PHF20: variants seen among roughly 807,000 people sequenced by gnomAD.
The protein encoded by PHF20 is glioma-expressed antigen 2.
Under a neutral mutation model 113.5 loss-of-function variants are expected in PHF20, and 23 were observed. That is an observed-to-expected ratio of 0.20 (90% confidence interval 0.15 to 0.29). PHF20 has a LOEUF of 0.29. Among genes scored for constraint, PHF20 ranks in the 10% least tolerant of loss-of-function variants. The pLI, the probability that PHF20 is intolerant of heterozygous loss-of-function variation, is 1.00. For synonymous variants in PHF20, 434 were observed against 457.3 expected, an observed-to-expected ratio of 0.95 and a Z score of 0.65; for missense variants, 943 against 1,219.6, an observed-to-expected ratio of 0.77 and a Z score of 3.38.
chr20:35,911,245 T>C (rs1024403814), intron 10 of PHF20, among the ~76,000 whole-genome samples: 35 of 152,232 alleles, frequency 2.3e-4, no homozygotes, highest in Non-Finnish European at 5.9e-5. Context: ...GGTTTTACCA[T>C]GTTAGCCAGG....
At chr20:35,799,533 G>C (rs2041737130) in intron 1 of PHF20, among the ~76,000 whole-genome samples, 1 of 152,046 alleles carries the variant, frequency 6.6e-6, no homozygotes, top group African/African-American at 2.4e-5. Context: ...TCTGCTGTAA[G>C]GAAGTGGCCT....
At chr20:35,944,075 T>A (rs6058375) in intron 17 of PHF20, among the ~76,000 whole-genome samples, 39,382 of 152,102 alleles carry the variant, frequency 0.26, 6,129 homozygotes, top group African/African-American at 0.44. Flanking sequence ...TTGAACAGAA[T>A]TTTTTCCTCT....
At chr20:35,874,438 T>A (rs2054481297) in intron 9 of PHF20, among the ~76,000 whole-genome samples, 1 of 152,216 alleles carries the variant, frequency 6.6e-6, no homozygotes, top group African/African-American at 2.4e-5. Flanking sequence ...TCCTTCAGAT[T>A]TTCTTATAGG....
chr20:35,779,062 GT>G (rs1391239473), intron 1 of PHF20, among the ~76,000 whole-genome samples: 2 of 151,482 alleles, frequency 1.3e-5, no homozygotes, highest in East Asian at 3.9e-4. Flanking sequence ...TTGAGGTGGA[GT>G]CTCACTTCGT....
intron 1 of PHF20, among the ~76,000 whole-genome samples, chr20:35,784,044 C>A (rs62211714): frequency 1.3e-5 from 2 of 151,182 alleles, no homozygotes; most frequent in Non-Finnish European, 2.9e-5. Context: ...CCCGCCCTTA[C>A]GTTTGTTTGT....
chr20:35,939,919 G>C (rs2055944137), intron 16 of PHF20, among the ~76,000 whole-genome samples: 1 of 152,184 alleles, frequency 6.6e-6, no homozygotes, highest in African/African-American at 2.4e-5. Flanking sequence ...CCTTGACTAT[G>C]TCTAAACGGT....
In PHF20 at chr20:35,917,778, G is replaced by A. The variant is rs114493706; in HGVS notation, c.2004+116G>A. 2.5e-3 allele frequency: 2,035 copies of A among 830,156 alleles called. 30 individuals carry two copies. The African/African-American group carries it at 0.031, about 13-fold the overall frequency. 51.4% of individuals were successfully genotyped at this position (830,156 alleles called of 1,614,324 possible). A position where few individuals can be genotyped will look rare whatever the true frequency, so the allele number is the denominator to read the frequency against. On this transcript the variant is annotated intron_variant, in intron 13 of 17. Coordinates refer to ENST00000374012, the MANE Select transcript of PHF20 (RefSeq NM_016436.5). ...AGAGCCCCAGAAACACAGCACGAAC[G>A]GCAGCAGACTGAGCTTCTCTTTTTC...
intron 9 of PHF20, among the ~76,000 whole-genome samples, chr20:35,882,505 G>A (rs1172502114): frequency 1.3e-5 from 2 of 152,184 alleles, no homozygotes; most frequent in African/African-American, 4.8e-5. Context: ...ATAGCTCACT[G>A]CAGCCTCAAC....
chr20:35,772,687 C>T (rs1439535741), intron 1 of PHF20, among the ~76,000 whole-genome samples: 1 of 151,960 alleles, frequency 6.6e-6, no homozygotes, highest in Non-Finnish European at 1.5e-5. Flanking sequence ...TACCCTCTTC[C>T]GTCAGCCCCC....
intron 1 of PHF20, among the ~76,000 whole-genome samples, chr20:35,789,489 AG>A (rs1379617151): frequency 6.6e-6 from 1 of 151,534 alleles, no homozygotes; most frequent in Non-Finnish European, 1.5e-5. Flanking sequence ...TCGGAACTGC[AG>A]GGTGTTTGGA....
At chr20:35,824,605 C>CAA (rs149254794) in intron 2 of PHF20, among the ~76,000 whole-genome samples, 3 of 111,054 alleles carry the variant, frequency 2.7e-5, no homozygotes, top group Non-Finnish European at 5.7e-5. Flanking sequence ...GACTCTGTCT[C>CAA]AAAAAAAAAA....
At chr20:35,852,005 G>A (rs2042741475) in intron 4 of PHF20, among the ~76,000 whole-genome samples, 1 of 152,066 alleles carries the variant, frequency 6.6e-6, no homozygotes, top group Non-Finnish European at 1.5e-5. Flanking sequence ...CAGGCCCTGT[G>A]CTAGGTTGTT....
intron 9 of PHF20, among the ~76,000 whole-genome samples, chr20:35,883,748 C>T (rs2054676433): frequency 6.6e-6 from 1 of 151,560 alleles, no homozygotes; most frequent in South Asian, 2.1e-4. Flanking sequence ...GGCCCAGAGT[C>T]TGTAACTGTT....
chr20:35,791,771 G>A (rs1031286175), intron 1 of PHF20, among the ~76,000 whole-genome samples: 15 of 152,014 alleles, frequency 9.9e-5, no homozygotes, highest in Non-Finnish European at 1.8e-4. Flanking sequence ...CTGAGACTTA[G>A]AAGCAGGTCC....
intron 9 of PHF20, among the ~76,000 whole-genome samples, chr20:35,896,799 CAAAAA>C (rs34377497): frequency 4.8e-5 from 3 of 62,472 alleles, no homozygotes; most frequent in Admixed American, 3.7e-4. Flanking sequence ...GACTCCGTCT[CAAAAA>C]AAAAAAAAAA....
At chr20:35,897,606 G>T (rs544841071) in intron 9 of PHF20, among the ~76,000 whole-genome samples, 10 of 121,826 alleles carry the variant, frequency 8.2e-5, no homozygotes, top group African/African-American at 3.3e-4. Context: ...TTGCTCTGTC[G>T]CCCAGGCTCG....
intron 1 of PHF20, among the ~76,000 whole-genome samples, chr20:35,797,901 C>T (rs111454138): frequency 0.048 from 7,263 of 151,948 alleles, 215 homozygotes; most frequent in African/African-American, 0.089. Context: ...CCTCCCACCT[C>T]GACCTCCCAA....
At chr20:35,937,383 G>A (rs1266162023) in intron 15 of PHF20, among the ~76,000 whole-genome samples, 1 of 151,372 alleles carries the variant, frequency 6.6e-6, no homozygotes, top group Non-Finnish European at 1.5e-5. Flanking sequence ...AGGGAGAATC[G>A]CTTGAACCTG....
intron 10 of PHF20, among the ~76,000 whole-genome samples, chr20:35,906,489 G>A (rs56074161): frequency 0.011 from 1,613 of 141,908 alleles, 18 homozygotes; most frequent in East Asian, 0.039. Flanking sequence ...CTTTCTCCCC[G>A]TTTTTCCACC....
Sources: allele counts gnomAD v4.1 joint callset (sites outside exome capture counted in the v4.1 genomes callset), GRCh38; gene constraint gnomAD v4.1.1; transcripts MANE v1.5; gene names NCBI Gene and HGNC (gene_info 2026-07-23, HGNC 2026-07-21).